The following ABTB3 variants were observed in gnomAD, a reference collection of about 807,000 sequenced individuals.
ABTB3 encodes the protein ankyrin repeat and BTB domain containing 3.
chr12:107,646,806 T>A, the ABTB3 span, among the ~76,000 whole-genome samples: 1 of 151,888 alleles, frequency 6.6e-6, no homozygotes, highest in Non-Finnish European at 1.5e-5. Flanking sequence ...AACACTGCAG[T>A]GGAGGATGAT....
At chr12:107,624,059 G>C in the ABTB3 span, among the ~76,000 whole-genome samples, 3 of 152,118 alleles carry the variant, frequency 2.0e-5, no homozygotes, top group Admixed American at 1.3e-4. Context: ...AACGTGCTTT[G>C]TGTGCTCAAA....
At chr12:107,547,977 C>T in the ABTB3 span, among the ~76,000 whole-genome samples, 2 of 152,306 alleles carry the variant, frequency 1.3e-5, no homozygotes, top group East Asian at 3.9e-4. Flanking sequence ...GTGATTCTTT[C>T]TAGAGGGATC....
At chr12:107,647,556 A>G in the ABTB3 span, among the ~76,000 whole-genome samples, 25 of 152,358 alleles carry the variant, frequency 1.6e-4, no homozygotes, top group Admixed American at 2.6e-4. Context: ...AGTATTTTTA[A>G]AATAACTTAA....
At chr12:107,350,561 T>A in the ABTB3 span, among the ~76,000 whole-genome samples, 1 of 150,126 alleles carries the variant, frequency 6.7e-6, no homozygotes, top group Admixed American at 6.6e-5. Context: ...AAAAAAAAAA[T>A]TATTATTCTG....
At chr12:107,365,034 G>A in the ABTB3 span, among the ~76,000 whole-genome samples, 3 of 152,140 alleles carry the variant, frequency 2.0e-5, no homozygotes, top group Admixed American at 2.0e-4. Context: ...AGCATTCGCA[G>A]TGTTTGAGAA....
chr12:107,513,953 A>G, the ABTB3 span, among the ~76,000 whole-genome samples: 18 of 152,268 alleles, frequency 1.2e-4, no homozygotes, highest in Non-Finnish European at 2.6e-4. Context: ...ATGATCTGCA[A>G]GACCATTTGA....
At chr12:107,401,708 C>A in the ABTB3 span, among the ~76,000 whole-genome samples, 93 of 152,166 alleles carry the variant, frequency 6.1e-4, no homozygotes, top group African/African-American at 2.1e-3. Context: ...CAAATTTGGC[C>A]CCTAATGTTA....
the ABTB3 span, among the ~76,000 whole-genome samples, chr12:107,503,134 A>G: frequency 6.6e-6 from 1 of 152,142 alleles, no homozygotes; most frequent in African/African-American, 2.4e-5. Context: ...ATCGTTTCCG[A>G]GGGAAGGAAC....
the ABTB3 span, among the ~76,000 whole-genome samples, chr12:107,501,259 G>A: frequency 1.4e-4 from 21 of 152,230 alleles, no homozygotes; most frequent in South Asian, 3.7e-3. Context: ...AACCCTGGAT[G>A]GATGTGGACA....
chr12:107,580,973 C>T, the ABTB3 span: 1 of 1,551,766 alleles, frequency 6.4e-7, no homozygotes, highest in Non-Finnish European at 8.7e-7. Context: ...GTCCGGATGT[C>T]TCCAAAGGCT....
chr12:107,431,978 G>C, the ABTB3 span, among the ~76,000 whole-genome samples: 35 of 152,216 alleles, frequency 2.3e-4, no homozygotes, highest in Non-Finnish European at 3.8e-4. Context: ...TCATTAAGGG[G>C]AGGGTGTTAA....
At chr12:107,566,141 A>G in the ABTB3 span, among the ~76,000 whole-genome samples, 1 of 152,216 alleles carries the variant, frequency 6.6e-6, no homozygotes, top group Non-Finnish European at 1.5e-5. Flanking sequence ...TGCAGGCACC[A>G]GAAATTGCCT....
the ABTB3 span, among the ~76,000 whole-genome samples, chr12:107,590,436 A>G: frequency 6.6e-6 from 1 of 152,210 alleles, no homozygotes; most frequent in South Asian, 2.1e-4. Flanking sequence ...GCAGAGTCAT[A>G]GAAGAGCCCA....
At chr12:107,397,603 T>A in the ABTB3 span, among the ~76,000 whole-genome samples, 1 of 152,200 alleles carries the variant, frequency 6.6e-6, no homozygotes, top group Non-Finnish European at 1.5e-5. Context: ...CTTTTTGTTG[T>A]ACAGTTTAAA....
the ABTB3 span, among the ~76,000 whole-genome samples, chr12:107,344,669 C>G: frequency 6.6e-6 from 1 of 152,174 alleles, no homozygotes; most frequent in African/African-American, 2.4e-5. Flanking sequence ...CATCACCTCC[C>G]ACTGAGGAAT....
chr12:107,519,538 G>A, the ABTB3 span, among the ~76,000 whole-genome samples: 2 of 151,998 alleles, frequency 1.3e-5, no homozygotes, highest in East Asian at 1.9e-4. Context: ...GGCTGGTCTC[G>A]AACTCCTGAC....
chr12:107,485,654 C>T, the ABTB3 span, among the ~76,000 whole-genome samples: 6 of 152,106 alleles, frequency 3.9e-5, no homozygotes, highest in African/African-American at 1.4e-4. Context: ...AAGATAATAC[C>T]TGTAGGGCAA....
the ABTB3 span, among the ~76,000 whole-genome samples, chr12:107,344,611 A>G: frequency 0.078 from 11,843 of 152,234 alleles, 634 homozygotes; most frequent in East Asian, 0.27. Context: ...CTGAACTACA[A>G]TTGACCTCGT....
the ABTB3 span, among the ~76,000 whole-genome samples, chr12:107,571,344 A>G: frequency 6.6e-6 from 1 of 152,238 alleles, no homozygotes; most frequent in African/African-American, 2.4e-5. Context: ...AAACATCTTC[A>G]GAGTACATAC....
Sources: gnomAD v4.1 joint callset for allele counts (sites outside exome capture counted in the v4.1 genomes callset) on GRCh38, gnomAD v4.1.1 for gene constraint, MANE v1.5 for transcripts, NCBI Gene and HGNC (gene_info 2026-07-23, HGNC 2026-07-21) for gene names.